PPP1R13B: variants seen among roughly 807,000 people sequenced by gnomAD.
PPP1R13B encodes protein phosphatase 1 regulatory subunit 13B.
In PPP1R13B, 44 loss-of-function variants were observed where a neutral mutation model predicts 119.8. The ratio of observed to expected loss-of-function variants is 0.37; its 90% CI spans 0.29 to 0.47. The LOEUF (loss-of-function observed/expected upper bound fraction) is 0.47. Among genes scored for constraint, PPP1R13B ranks in the 20% least tolerant of loss-of-function variants. The pLI is 0.99. For synonymous variants in PPP1R13B, 542 were observed against 561.5 expected (o/e 0.97, Z 0.49); for missense variants, 1,227 against 1,413.5 (o/e 0.87, Z 2.12).
intron 4 of PPP1R13B, among the ~76,000 whole-genome samples, chr14:103,761,678 G>T (rs1281868833): frequency 6.6e-6 from 1 of 151,282 alleles, no homozygotes; most frequent in East Asian, 1.9e-4. Flanking sequence ...CAGGATAATC[G>T]CTTGAACCCA....
At chr14:103,749,470 G>T (rs1383030975) in intron 8 of PPP1R13B, among the ~76,000 whole-genome samples, 1 of 152,182 alleles carries the variant, frequency 6.6e-6, no homozygotes, top group Non-Finnish European at 1.5e-5. Context: ...GCTTAAAATG[G>T]CAGAGTGCGG....
At chr14:103,739,085 CCTGCTGGGAAGGA>C in intron 12 of PPP1R13B, 62 bp from the exon 13 acceptor site, 1 of 1,559,788 alleles carries the variant, frequency 6.4e-7, no homozygotes, top group Non-Finnish European at 8.7e-7. Context: ...AGAACCCACG[CCTGCTGGGAAGGA>C]GTGGTGGGAG....
rs1392926307 is a variant in PPP1R13B at position 103,794,615 on chromosome 14, A to T, written c.157+2756T>A. 5 of 449,702 alleles carry T rather than the reference A, an allele frequency of 1.1e-5. No individual in the cohort carries two copies. In the East Asian group the frequency reaches 3.5e-4, roughly 32 times the overall value. 27.9% of individuals were successfully genotyped at this position (449,702 alleles called of 1,614,324 possible). On this transcript the variant is annotated intron_variant, in intron 2 of 16. Coordinates refer to ENST00000202556, the MANE Select transcript of PPP1R13B (RefSeq NM_015316.3). ...AGTGTTGAGATTACAAGAGTGAGCCACAGTGCCCGGCCAGGTGCAGTAAGT... is the reference window on the plus strand; with the variant it reads ...AGTGTTGAGATTACAAGAGTGAGCCTCAGTGCCCGGCCAGGTGCAGTAAGT...
At chr14:103,763,307 G>T (rs1162490831) in intron 4 of PPP1R13B, 3 of 339,422 alleles carry the variant, frequency 8.8e-6, no homozygotes, top group Non-Finnish European at 1.6e-5. Flanking sequence ...AGAAAGGGGG[G>T]TCTGTTAACT....
At chr14:103,802,778 G>A (rs2085931117) in intron 1 of PPP1R13B, among the ~76,000 whole-genome samples, 1 of 152,162 alleles carries the variant, frequency 6.6e-6, no homozygotes, top group Admixed American at 6.6e-5. Flanking sequence ...GGGAGGGGGA[G>A]AGGCACGATG....
At chr14:103,791,021 T>C (rs1342331719) in intron 2 of PPP1R13B, among the ~76,000 whole-genome samples, 3 of 152,192 alleles carry the variant, frequency 2.0e-5, no homozygotes, top group African/African-American at 7.2e-5. Flanking sequence ...GTATAAGTGA[T>C]TGTAATTTAC....
intron 1 of PPP1R13B, among the ~76,000 whole-genome samples, chr14:103,839,706 C>T (rs1445539991): frequency 1.3e-5 from 2 of 151,956 alleles, no homozygotes; most frequent in Non-Finnish European, 2.9e-5. Context: ...TCCTACACTA[C>T]TCTCTCCATC....
In PPP1R13B at chr14:103,735,894, G is replaced by A. The variant is rs533098853; in HGVS notation, c.3231+109C>T. On this transcript the variant is annotated intron_variant, in intron 16 of 16. Transcript: ENST00000202556. ...CTCCCCCTCTACAGAGGGGGCTGCTGAGGCTCAGAGAAGCGAAGCCTCCCT... is the reference window on the plus strand; with the variant it reads ...CTCCCCCTCTACAGAGGGGGCTGCTAAGGCTCAGAGAAGCGAAGCCTCCCT... 1.0e-4 allele frequency: 127 copies of A among 1,246,318 alleles called. 1 individual carries two copies. In the East Asian group the frequency reaches 1.6e-3, roughly 16 times the overall value. 77.2% of individuals were successfully genotyped at this position (1,246,318 alleles called of 1,614,324 possible).
intron 4 of PPP1R13B, among the ~76,000 whole-genome samples, chr14:103,777,183 G>T (rs1400642305): frequency 1.3e-5 from 2 of 151,902 alleles, no homozygotes; most frequent in Non-Finnish European, 2.9e-5. Flanking sequence ...AGTAGAGATA[G>T]GGTTTCACCA....
At position 103,762,606 on chromosome 14, in the gene PPP1R13B, A is replaced by G. The variant is rs1026557958; in HGVS notation, c.355-4855T>C. ...TAAAACTTAAAGTATTAAAAAAAAAAAAAAAGAATGTCACCATAATAATAT... is the reference window on the plus strand; with the variant it reads ...TAAAACTTAAAGTATTAAAAAAAAAGAAAAAGAATGTCACCATAATAATAT... On this transcript the variant is annotated intron_variant, in intron 4 of 16. Transcript: ENST00000202556. Among the ~76,000 whole-genome samples, 14 of 151,920 alleles carry G rather than the reference A, an allele frequency of 9.2e-5. No homozygotes were observed. In the South Asian group the frequency reaches 2.1e-3, roughly 23 times the overall value.
chr14:103,801,009 C>T (rs572787725), intron 1 of PPP1R13B, among the ~76,000 whole-genome samples: 18 of 152,182 alleles, frequency 1.2e-4, no homozygotes, highest in African/African-American at 4.3e-4. Context: ...CACCAACACA[C>T]CCAGCTAATT....
intron 6 of PPP1R13B, 76 bp downstream of exon 6, chr14:103,753,994 G>T: frequency 6.7e-7 from 1 of 1,499,792 alleles, no homozygotes; most frequent in Non-Finnish European, 9.0e-7. Context: ...TGACTGAATT[G>T]TCAGGCAGTT....
At chr14:103,767,692 G>A (rs1418726087) in intron 4 of PPP1R13B, among the ~76,000 whole-genome samples, 2 of 151,744 alleles carry the variant, frequency 1.3e-5, no homozygotes, top group Non-Finnish European at 2.9e-5. Context: ...CTCCCTCTCC[G>A]TGTCCCCTCT....
chr14:103,808,294 G>A (rs1341753954), intron 1 of PPP1R13B, among the ~76,000 whole-genome samples: 2 of 151,986 alleles, frequency 1.3e-5, no homozygotes, highest in Admixed American at 6.6e-5. Flanking sequence ...TAACTATGTG[G>A]TATTCGGCAG....
chr14:103,786,766 C>CAAAAAAAAAA lies in PPP1R13B; in HGVS notation c.158-1862_158-1853dup, dbSNP rs1174732049. On this transcript the variant is annotated intron_variant, in intron 2 of 16. Transcript: ENST00000202556. ...AGCAATAAGAGAGAAAACTCTGTCT[C>CAAAAAAAAAA]AAAAAAAAAAAAAAAAAAAAAAGGC... Among the ~76,000 whole-genome samples the CAAAAAAAAAA allele has an allele frequency of 3.8e-4, 17 of 44,596 alleles. 1 individual carries two copies. The highest frequency in any genetic ancestry group is 1.4e-3 in the African/African-American group (15 of 10,526). 29.3% of individuals were successfully genotyped at this position (44,596 alleles called of 152,430 possible).
Position 103,757,765 on chromosome 14 carries a change from A to C in PPP1R13B, c.355-14T>G. On this transcript the variant is annotated splice_polypyrimidine_tract_variant and intron_variant, in intron 4 of 16. Transcript: ENST00000202556. ...TGGATTCCCAACCTAAACAAAAAGC[A>C]CTTATTTTGGAACATAAGTTTATCT... 1 of 1,605,554 alleles carries C rather than the reference A, an allele frequency of 6.2e-7. No individual in the cohort carries two copies. The highest frequency in any genetic ancestry group is 1.3e-5 in the African/African-American group (1 of 74,850).
At chr14:103,786,204 A>ATAATTTTTG (rs1041381454) in intron 2 of PPP1R13B, among the ~76,000 whole-genome samples, 4 of 151,836 alleles carry the variant, frequency 2.6e-5, no homozygotes, top group African/African-American at 9.7e-5. Flanking sequence ...CCATGCCTGG[A>ATAATTTTTG]TAATTTTTGT....
At chr14:103,786,351 C>T (rs2085462066) in intron 2 of PPP1R13B, among the ~76,000 whole-genome samples, 1 of 152,142 alleles carries the variant, frequency 6.6e-6, no homozygotes, top group African/African-American at 2.4e-5. Context: ...CAGTATCTAA[C>T]CAATTACTTG....
At chr14:103,762,174 GAACATGTATATGTTTA>G (rs1198322860) in intron 4 of PPP1R13B, among the ~76,000 whole-genome samples, 1 of 152,180 alleles carries the variant, frequency 6.6e-6, no homozygotes, top group Non-Finnish European at 1.5e-5. Context: ...AGAAGAGAGA[GAACATGTATATGTTTA>G]AAGGAGCTAA....
Sources: allele counts gnomAD v4.1 joint callset (sites outside exome capture counted in the v4.1 genomes callset), GRCh38; gene constraint gnomAD v4.1.1; transcripts MANE v1.5; gene names NCBI Gene and HGNC (gene_info 2026-07-23, HGNC 2026-07-21).